The following CDH2 variants were observed in gnomAD, a reference collection of about 807,000 sequenced individuals.
The protein encoded by CDH2 is cadherin-2.
Under a neutral mutation model 92.0 loss-of-function variants are expected in CDH2, and 17 were observed. That is an observed-to-expected ratio of 0.18 (90% CI 0.13 to 0.28). The LOEUF (loss-of-function observed/expected upper bound fraction) is 0.28, where lower values mean the gene tolerates loss of function less well. Among genes scored for constraint, CDH2 ranks in the 10% least tolerant of loss-of-function variants. The pLI is 1.00. For missense variants in CDH2, 862 were observed against 1,133.1 expected, an observed-to-expected ratio of 0.76 and a Z score of 3.44; for synonymous variants, 419 against 415.9, an observed-to-expected ratio of 1.01 and a Z score of -0.09.
At chr18:28,032,991 C>G (rs2013736010) in intron 2 of CDH2, among the ~76,000 whole-genome samples, 1 of 151,916 alleles carries the variant, frequency 6.6e-6, no homozygotes, top group Non-Finnish European at 1.5e-5. Context: ...ACATAATGGG[C>G]AAAACTAAAG....
intron 2 of CDH2, among the ~76,000 whole-genome samples, chr18:28,117,315 T>C (rs1473869951): frequency 6.6e-6 from 1 of 152,098 alleles, no homozygotes; most frequent in Non-Finnish European, 1.5e-5. Flanking sequence ...AGGAAAAATA[T>C]ATGACTTGGA....
At chr18:28,037,614 G>T (rs781626028) in intron 2 of CDH2, among the ~76,000 whole-genome samples, 1 of 152,074 alleles carries the variant, frequency 6.6e-6, no homozygotes, top group Non-Finnish European at 1.5e-5. Flanking sequence ...AAGAAAGGAG[G>T]CAATGACACC....
At chr18:28,045,028 C>T (rs2014045859) in intron 2 of CDH2, among the ~76,000 whole-genome samples, 1 of 152,074 alleles carries the variant, frequency 6.6e-6, no homozygotes, top group Non-Finnish European at 1.5e-5. Flanking sequence ...GGTAGATAGA[C>T]CTCAAATTCC....
intron 6 of CDH2, among the ~76,000 whole-genome samples, chr18:27,942,709 C>T (rs181637696): frequency 2.0e-3 from 298 of 152,242 alleles, no homozygotes; most frequent in Non-Finnish European, 2.5e-3. Context: ...CTACATGTTC[C>T]CCCAGAGCCC....
chr18:28,088,844 T>C (rs1013318131), intron 2 of CDH2, among the ~76,000 whole-genome samples: 1 of 152,110 alleles, frequency 6.6e-6, no homozygotes, highest in South Asian at 2.1e-4. Context: ...GAGGCAGATA[T>C]TGCATATCAG....
At chr18:28,050,520 C>A (rs1215545663) in intron 2 of CDH2, among the ~76,000 whole-genome samples, 2 of 152,132 alleles carry the variant, frequency 1.3e-5, no homozygotes, top group African/African-American at 4.8e-5. Flanking sequence ...TTAAGACTCA[C>A]AGAGTTTAGG....
At chr18:28,036,073 C>T (rs1050197507) in intron 2 of CDH2, among the ~76,000 whole-genome samples, 3 of 152,198 alleles carry the variant, frequency 2.0e-5, no homozygotes, top group African/African-American at 7.2e-5. Context: ...TGTTAATTTG[C>T]CTGCAGTTTG....
chr18:28,081,640 T>G (rs2014831356), intron 2 of CDH2, among the ~76,000 whole-genome samples: 1 of 152,228 alleles, frequency 6.6e-6, no homozygotes, highest in African/African-American at 2.4e-5. Flanking sequence ...ATTCCACTTA[T>G]GTGTAACAAT....
rs17468853 is a variant in CDH2 at position 28,093,780 on chromosome 18, A to G, written c.172+53893T>C. Among the ~76,000 whole-genome samples the G allele has an allele frequency of 4.5e-3, 686 of 152,354 alleles. 6 individuals are homozygous for G. The South Asian group carries it at 0.045, about 10-fold the overall frequency. On this transcript the variant is annotated intron_variant, in intron 2 of 15. Coordinates refer to ENST00000269141, the MANE Select transcript of CDH2 (RefSeq NM_001792.5). The stretch of plus-strand genomic sequence containing the variant: ...CTTGAAACCTAGTAGTAACTTGTAC[A>G]TGTCTTTGTCACAAAGAGAATCATA...
chr18:28,165,467 C>T (rs1283783426), intron 1 of CDH2, among the ~76,000 whole-genome samples: 1 of 152,184 alleles, frequency 6.6e-6, no homozygotes, highest in African/African-American at 2.4e-5. Context: ...ATTGGAATTA[C>T]AACTGTGAGC....
At chr18:28,033,151 G>T (rs1215139562) in intron 2 of CDH2, among the ~76,000 whole-genome samples, 1 of 152,042 alleles carries the variant, frequency 6.6e-6, no homozygotes, top group Non-Finnish European at 1.5e-5. Flanking sequence ...ACAGGGGCAT[G>T]GACGCCAGGC....
At chr18:27,957,235 G>T (rs1239856076) in intron 15 of CDH2, among the ~76,000 whole-genome samples, 2 of 151,478 alleles carry the variant, frequency 1.3e-5, no homozygotes, top group Non-Finnish European at 2.9e-5. Flanking sequence ...TGGTCTCTCT[G>T]GTCCCTTCTA....
At chr18:28,136,075 A>T (rs1458999647) in intron 2 of CDH2, among the ~76,000 whole-genome samples, 2 of 152,242 alleles carry the variant, frequency 1.3e-5, no homozygotes, top group Non-Finnish European at 2.9e-5. Flanking sequence ...AATGCACAAT[A>T]CATGCCAAAT....
At chr18:28,026,167 G>A (rs1034547983) in intron 2 of CDH2, among the ~76,000 whole-genome samples, 1 of 152,174 alleles carries the variant, frequency 6.6e-6, no homozygotes, top group African/African-American at 2.4e-5. Context: ...TTTGTGCCAT[G>A]TAGCATTTCA....
At chr18:28,121,746 G>T in intron 2 of CDH2, among the ~76,000 whole-genome samples, 1 of 152,180 alleles carries the variant, frequency 6.6e-6, no homozygotes, top group East Asian at 1.9e-4. Context: ...ACATTGGTGC[G>T]ATAGATGATA....
chr18:28,161,496 C>G (rs2016305424), intron 1 of CDH2, among the ~76,000 whole-genome samples: 1 of 148,686 alleles, frequency 6.7e-6, no homozygotes, highest in Non-Finnish European at 1.5e-5. Flanking sequence ...AGGAAAATAG[C>G]TTGAACCCAG....
intron 2 of CDH2, among the ~76,000 whole-genome samples, chr18:28,113,418 C>CA (rs1239405629): frequency 6.8e-6 from 1 of 147,668 alleles, no homozygotes; most frequent in Non-Finnish European, 1.5e-5. Context: ...TAAATACCTA[C>CA]ATAGTTAATC....
intron 2 of CDH2, among the ~76,000 whole-genome samples, chr18:28,072,267 A>C (rs1189966037): frequency 6.6e-6 from 1 of 152,006 alleles, no homozygotes; most frequent in East Asian, 1.9e-4. Flanking sequence ...GCCCTTTCCT[A>C]ATCACCTACC....
At chr18:27,983,510 G>T (rs1385335963) in intron 13 of CDH2, among the ~76,000 whole-genome samples, 1 of 152,134 alleles carries the variant, frequency 6.6e-6, no homozygotes, top group Non-Finnish European at 1.5e-5. Flanking sequence ...ATTACACTCC[G>T]AAATTCACAG....
Sources: gnomAD v4.1 joint callset for allele counts (sites outside exome capture counted in the v4.1 genomes callset) on GRCh38, gnomAD v4.1.1 for gene constraint, MANE v1.5 for transcripts, NCBI Gene and HGNC (gene_info 2026-07-23, HGNC 2026-07-21) for gene names.